PCDHGA11: variants seen among roughly 807,000 people sequenced by gnomAD.
PCDHGA11 encodes the protein protocadherin gamma-A11.
PCDHGA11 carries 39 observed loss-of-function variants against 60.4 expected under a neutral mutation model. That is an observed-to-expected ratio of 0.65 (90% CI 0.50 to 0.84). PCDHGA11 has a LOEUF of 0.84. PCDHGA11 is among the 40% of genes least tolerant of loss of function. The pLI, the probability that PCDHGA11 is intolerant of heterozygous loss-of-function variation, is 0.00. For synonymous variants in PCDHGA11, 533 were observed against 510.3 expected (o/e 1.04, Z -0.60); for missense variants, 1,165 against 1,197.7 (o/e 0.97, Z 0.40).
intron 1 of PCDHGA11, among the ~76,000 whole-genome samples, chr5:141,451,829 C>T (rs564970982): frequency 1.2e-4 from 18 of 151,422 alleles, no homozygotes; most frequent in African/African-American, 4.1e-4. Flanking sequence ...TACAGTGAGC[C>T]GAGATCACAC....
chr5:141,446,423 T>C (rs745968692), intron 1 of PCDHGA11, among the ~76,000 whole-genome samples: 1 of 152,152 alleles, frequency 6.6e-6, no homozygotes, highest in Non-Finnish European at 1.5e-5. Context: ...CATGTTCATT[T>C]GAAGGATCTG....
rs186288044 is a variant in PCDHGA11, at chr5:141,433,652, A to G, written c.2433+9992A>G. On this transcript the variant is annotated intron_variant, in intron 1 of 3. Transcript: ENST00000398587. ...GGAGTTTGAGACCAGCCTGACCAAC[A>G]TGGAGAAACCCCGTCTATACTAAAA... is the stretch of plus-strand genomic sequence containing the variant. 1.0e-2 allele frequency among the ~76,000 whole-genome samples: 1,520 copies of G among 152,208 alleles called. 33 individuals are homozygous for G. The highest frequency in any genetic ancestry group is 0.034 in the African/African-American group (1,423 of 41,538).
intron 1 of PCDHGA11, among the ~76,000 whole-genome samples, chr5:141,433,378 T>C (rs1246585250): frequency 6.6e-5 from 10 of 151,072 alleles, no homozygotes. Context: ...TATCTATCTA[T>C]CTATCTATCT....
At position 141,427,886 on chromosome 5, in the gene PCDHGA11, C is replaced by T. The variant is rs908553179; in HGVS notation, c.2433+4226C>T. The T allele has an allele frequency of 1.9e-6, 3 of 1,565,276 alleles. 1 individual carries two copies. On this transcript the variant is annotated intron_variant, in intron 1 of 3. Coordinates refer to ENST00000398587, the MANE Select transcript of PCDHGA11 (RefSeq NM_018914.3). ...TCGAGCTCACGATGCAGGCCCACGA[C>T]CAGGGCTCGCCCGCGCTCAGCGCCA...
In PCDHGA11 at chr5:141,510,353, C is replaced by G. The variant is rs74759939; in HGVS notation, c.2582-594C>G. On this transcript the variant is annotated intron_variant, in intron 3 of 3. Transcript: ENST00000398587. ...CACCCCCACCCCACACACTTACTAA[C>G]GGAACTACCGAATCTCTACTCGTGC... is the stretch of plus-strand genomic sequence containing the variant. Among the ~76,000 whole-genome samples the G allele has an allele frequency of 1.9e-4, 28 of 146,588 alleles. No homozygotes were observed. The East Asian group carries it at 5.6e-3, about 29-fold the overall frequency.
chr5:141,434,073 A>G (rs1372471160), intron 1 of PCDHGA11, among the ~76,000 whole-genome samples: 2 of 152,058 alleles, frequency 1.3e-5, no homozygotes, highest in African/African-American at 4.8e-5. Flanking sequence ...GTTAATATCA[A>G]TTATTTATTT....
intron 1 of PCDHGA11, among the ~76,000 whole-genome samples, chr5:141,454,796 ATTTTTTTTT>A (rs61612330): frequency 1.2e-4 from 9 of 77,408 alleles, no homozygotes; most frequent in Admixed American, 5.4e-4. Context: ...CATGGTTCTA[ATTTTTTTTT>A]TTTTTTTTTT....
At chr5:141,424,198 C>A (rs116187844) in intron 1 of PCDHGA11, 2 of 181,904 alleles carry the variant, frequency 1.1e-5, no homozygotes, top group South Asian at 1.9e-4. Context: ...CACTTATACA[C>A]GTAAGCTTTT....
chr5:141,509,350 G>C (rs2099876432), intron 3 of PCDHGA11, among the ~76,000 whole-genome samples: 5 of 152,142 alleles, frequency 3.3e-5, no homozygotes. Flanking sequence ...GGGCTGGCCT[G>C]GGCATCCCTG....
At chr5:141,447,163 G>T (rs11167747) in intron 1 of PCDHGA11, among the ~76,000 whole-genome samples, 6,233 of 151,894 alleles carry the variant, frequency 0.041, 196 homozygotes, top group Admixed American at 0.075. Flanking sequence ...TGTTTAAGCG[G>T]GGTCTTGCTC....
At chr5:141,484,872 G>T in intron 1 of PCDHGA11, 1 of 319,608 alleles carries the variant, frequency 3.1e-6, no homozygotes, top group Non-Finnish European at 5.8e-6. Context: ...GGAGCGTGGA[G>T]GATAGGGTGG....
chr5:141,484,922 GC>G (rs869160673), intron 1 of PCDHGA11: 1 of 481,378 alleles, frequency 2.1e-6, no homozygotes, highest in South Asian at 2.8e-5. Context: ...TAACCCTGCT[GC>G]TGTTGGGACG....
chr5:141,450,490 T>C (rs1480357834), intron 1 of PCDHGA11, among the ~76,000 whole-genome samples: 1 of 152,164 alleles, frequency 6.6e-6, no homozygotes, highest in Non-Finnish European at 1.5e-5. Context: ...TTTGTTTGTC[T>C]GTTTGTTTGT....
At position 141,491,587 on chromosome 5, in the gene PCDHGA11, G is replaced by A. The variant is rs1177701526; in HGVS notation, c.2434-3220G>A. 1.2e-6 allele frequency: 2 copies of A among 1,613,834 alleles called. No individual in the cohort carries two copies. Among genetic ancestry groups the A allele is most frequent in the African/African-American group, 2.7e-5 (2 of 74,926 alleles). On this transcript the variant is annotated intron_variant, in intron 1 of 3. Coordinates refer to ENST00000398587, the MANE Select transcript of PCDHGA11 (RefSeq NM_018914.3). The surrounding 1 kb of genome is among the most constrained non-coding windows in gnomAD (Gnocchi z 6.9). ...CAGGACGTGCTTTTCACCGGCCTCG[G>A]ACGGCAGTGACTTCACTTTTCTAAG...
chr5:141,445,276 C>T (rs761058385), intron 1 of PCDHGA11, among the ~76,000 whole-genome samples: 1 of 152,218 alleles, frequency 6.6e-6, no homozygotes, highest in Non-Finnish European at 1.5e-5. Flanking sequence ...AACCACTCTG[C>T]ATAAGTTCAG....
At position 141,427,736 on chromosome 5, in the gene PCDHGA11, A is replaced by G. The variant is rs781594851; in HGVS notation, c.2433+4076A>G. 3.3e-6 allele frequency: 4 copies of G among 1,214,562 alleles called. No individual in the cohort carries two copies. In the South Asian group the frequency reaches 4.9e-5, roughly 15 times the overall value. The allele number at this position is 1,214,562 out of a possible 1,614,324, so 75.2% of individuals were successfully genotyped here. ...ACCTGGACCTAGGGCTGAATGGCCA[A>G]GTCTCCTACTCCATCGTTACCACTG... On this transcript the variant is annotated intron_variant, in intron 1 of 3. Coordinates refer to ENST00000398587, the MANE Select transcript of PCDHGA11 (RefSeq NM_018914.3).
chr5:141,491,080 A>T lies in PCDHGA11; in HGVS notation c.2434-3727A>T. On this transcript the variant is annotated intron_variant, in intron 1 of 3. Transcript: ENST00000398587. This position sits in a 1 kb window ranked among gnomAD's most constrained non-coding sequence, Gnocchi z 6.9. ...CTCCTACTCACTGTTGCCACAGTCC[A>T]CAGCCCCAGGACTGTTCCTCGTGTC... The T allele has an allele frequency of 6.2e-7, 1 of 1,614,116 alleles. No individual in the cohort carries two copies. Among genetic ancestry groups the T allele is most frequent in the Non-Finnish European group, 8.5e-7 (1 of 1,179,994 alleles).
chr5:141,430,952 C>T, intron 1 of PCDHGA11: 2 of 1,610,382 alleles, frequency 1.2e-6, no homozygotes, highest in Non-Finnish European at 1.7e-6. Flanking sequence ...GCGCGGAGTC[C>T]GCATCATCCC....
In PCDHGA11 at chr5:141,431,019, C is replaced by A. The variant is rs1368671750; in HGVS notation, c.2433+7359C>A. 1 of 1,613,488 alleles carries A rather than the reference C, an allele frequency of 6.2e-7. No individual in the cohort carries two copies. The highest frequency in any genetic ancestry group is 1.7e-5 in the Admixed American group (1 of 59,968). ...CCGCGCAGCGGCAGCTTGGTCACGG[C>A]GGGCAGGATAGACCGGGAGGAGCTC... On this transcript the variant is annotated intron_variant, in intron 1 of 3. Transcript: ENST00000398587. The surrounding 1 kb of genome is among the most constrained non-coding windows in gnomAD (Gnocchi z 4.8).
Sources: allele counts gnomAD v4.1 joint callset (sites outside exome capture counted in the v4.1 genomes callset), GRCh38; gene constraint gnomAD v4.1.1; non-coding constraint Gnocchi (gnomAD v3.1); transcripts MANE v1.5; gene names NCBI Gene and HGNC (gene_info 2026-07-23, HGNC 2026-07-21).